The following DPP6 variants were observed in gnomAD, a reference collection of about 807,000 sequenced individuals.
DPP6 encodes the protein A-type potassium channel modulatory protein DPP6.
In DPP6, 69 loss-of-function variants were observed where a neutral mutation model predicts 122.6. The observed-to-expected ratio is 0.56, with a 90% CI of 0.46 to 0.69. The LOEUF (loss-of-function observed/expected upper bound fraction) is 0.69, where lower values mean the gene tolerates loss of function less well. Ranked by LOEUF, DPP6 falls within the 30% of genes least tolerant of loss-of-function variation. The pLI is 0.00. For synonymous variants in DPP6, 418 were observed against 433.1 expected, an observed-to-expected ratio of 0.97 and a Z score of 0.43; for missense variants, 928 against 1,116.9, an observed-to-expected ratio of 0.83 and a Z score of 2.41.
At chr7:154,194,115 C>CT (rs896810102) in intron 1 of DPP6, among the ~76,000 whole-genome samples, 45 of 152,230 alleles carry the variant, frequency 3.0e-4, no homozygotes, top group African/African-American at 1.0e-3. Flanking sequence ...TGACAAAATT[C>CT]TTATTTTTCC....
At chr7:153,986,064 T>C (rs256860) in intron 1 of DPP6, among the ~76,000 whole-genome samples, 133,904 of 152,176 alleles carry the variant, frequency 0.88, 58,958 homozygotes, top group Middle Eastern at 0.91. Context: ...GCGTTCAGGG[T>C]CGTATGGCTG....
chr7:154,839,228 T>C (rs1801324987), intron 16 of DPP6, among the ~76,000 whole-genome samples: 1 of 152,248 alleles, frequency 6.6e-6, no homozygotes, highest in South Asian at 2.1e-4. Context: ...TGAGTGGTGG[T>C]ATCATTCCCA....
intron 6 of DPP6, among the ~76,000 whole-genome samples, chr7:154,666,647 C>T (rs528707000): frequency 3.9e-5 from 6 of 152,124 alleles, no homozygotes; most frequent in African/African-American, 1.2e-4. Context: ...TCAGCACCCC[C>T]CCAATCCCTC....
chr7:154,610,887 T>C (rs1338467481), intron 5 of DPP6, among the ~76,000 whole-genome samples: 1 of 152,198 alleles, frequency 6.6e-6, no homozygotes, highest in Non-Finnish European at 1.5e-5. Context: ...TGCTAGACTT[T>C]GGCTTATTGG....
chr7:154,765,531 G>T (rs1253556124), intron 8 of DPP6, among the ~76,000 whole-genome samples: 1 of 152,124 alleles, frequency 6.6e-6, no homozygotes, highest in Non-Finnish European at 1.5e-5. Context: ...TACTGGATAT[G>T]ACCTTAATGC....
intron 7 of DPP6, among the ~76,000 whole-genome samples, chr7:154,678,475 C>T (rs922808895): frequency 1.3e-5 from 2 of 152,116 alleles, no homozygotes; most frequent in African/African-American, 2.4e-5. Context: ...CGAAGGTCTA[C>T]GGCTTCACTC....
intron 1 of DPP6, among the ~76,000 whole-genome samples, chr7:154,372,050 C>G (rs1299997797): frequency 6.6e-6 from 1 of 151,936 alleles, no homozygotes; most frequent in African/African-American, 2.4e-5. Context: ...AGAACAGGTG[C>G]CCTAGCAGAG....
intron 1 of DPP6, among the ~76,000 whole-genome samples, chr7:154,136,870 C>T (rs1314798422): frequency 6.6e-6 from 1 of 152,208 alleles, no homozygotes; most frequent in Non-Finnish European, 1.5e-5. Flanking sequence ...CAATATTGTT[C>T]CAGCTGGTGA....
chr7:153,795,858 TTTC>T, the DPP6 span, among the ~76,000 whole-genome samples: 1 of 149,970 alleles, frequency 6.7e-6, no homozygotes, highest in South Asian at 2.2e-4. Context: ...GCATTTTTTG[TTTC>T]TTCTTTGAAA....
At chr7:154,582,784 CCT>C (rs1832159508) in intron 5 of DPP6, among the ~76,000 whole-genome samples, 1 of 152,250 alleles carries the variant, frequency 6.6e-6, no homozygotes, top group Non-Finnish European at 1.5e-5. Flanking sequence ...GCTGCACTCA[CCT>C]CTCTGTCCCC....
chr7:153,896,987 T>A (rs1799441442), intron 1 of DPP6, among the ~76,000 whole-genome samples: 2 of 151,914 alleles, frequency 1.3e-5, no homozygotes, highest in Admixed American at 1.3e-4. Context: ...CTGTAAATTG[T>A]GCATCTATTT....
rs888441913 is a variant in DPP6 at position 154,283,645 on chromosome 7, CAAG to C, written c.244-162568_244-162566del. Among the ~76,000 whole-genome samples, 49 of 152,162 alleles carry C rather than the reference CAAG, an allele frequency of 3.2e-4. 1 individual carries two copies. The highest frequency in any genetic ancestry group is 2.1e-4 in the South Asian group (1 of 4,826). On this transcript the variant is annotated intron_variant, in intron 1 of 25. Transcript: ENST00000377770. ...CAAGGCACTGTAGGAATTCCAGTAA[CAAG>C]GAGTCGTCCTATGTAGACAGAACTT...
intron 3 of DPP6, among the ~76,000 whole-genome samples, chr7:154,491,480 T>G (rs118035976): frequency 9.8e-5 from 15 of 152,320 alleles, no homozygotes; most frequent in Admixed American, 2.0e-4. Context: ...CTATTTCACT[T>G]TGAGGCTCAA....
chr7:154,696,240 C>T (rs536734089), intron 7 of DPP6, among the ~76,000 whole-genome samples: 12 of 152,276 alleles, frequency 7.9e-5, no homozygotes, highest in South Asian at 2.1e-4. Context: ...CACAGCCACC[C>T]GGGCCCCTGG....
the DPP6 span, among the ~76,000 whole-genome samples, chr7:153,866,652 A>G: frequency 6.6e-6 from 1 of 152,032 alleles, no homozygotes; most frequent in Non-Finnish European, 1.5e-5. Context: ...TCTTTAGTTT[A>G]ATTAGATCCC....
At chr7:154,434,211 C>T (rs1251926060) in intron 1 of DPP6, among the ~76,000 whole-genome samples, 2 of 152,162 alleles carry the variant, frequency 1.3e-5, no homozygotes, top group African/African-American at 4.8e-5. Flanking sequence ...ACCCAAGTTT[C>T]GCTACTTAAA....
chr7:153,811,379 C>T, the DPP6 span, among the ~76,000 whole-genome samples: 1 of 152,082 alleles, frequency 6.6e-6, no homozygotes, highest in Non-Finnish European at 1.5e-5. Flanking sequence ...TTTTTCCCTG[C>T]ATTAGAGAAC....
chr7:153,970,530 G>C (rs1241053827), intron 1 of DPP6, among the ~76,000 whole-genome samples: 1 of 152,016 alleles, frequency 6.6e-6, no homozygotes, highest in South Asian at 2.1e-4. Context: ...TTTCTTTTGT[G>C]ATTTTGACTG....
chr7:153,990,634 C>T (rs1339731381), intron 1 of DPP6, among the ~76,000 whole-genome samples: 5 of 151,966 alleles, frequency 3.3e-5, no homozygotes, highest in Non-Finnish European at 5.9e-5. Flanking sequence ...CAAGGGCCGC[C>T]GTGCCTCACA....
Sources: gnomAD v4.1 joint callset for allele counts (sites outside exome capture counted in the v4.1 genomes callset) on GRCh38, gnomAD v4.1.1 for gene constraint, MANE v1.5 for transcripts, NCBI Gene and HGNC (gene_info 2026-07-23, HGNC 2026-07-21) for gene names.